Variants in CRYM observed in about 807,000 individuals in gnomAD.
CRYM encodes the protein ketimine reductase mu-crystallin.
Under a neutral mutation model 32.9 loss-of-function variants are expected in CRYM, and 18 were observed. The ratio of observed to expected loss-of-function variants is 0.55; its 90% CI spans 0.38 to 0.81. CRYM has a LOEUF of 0.81. CRYM is among the 30% of genes least tolerant of loss of function. CRYM has a pLI of 0.00. For missense variants in CRYM, 337 were observed against 393.5 expected, an observed-to-expected ratio of 0.86 and a Z score of 1.21; for synonymous variants, 153 against 152.4, an observed-to-expected ratio of 1.00 and a Z score of -0.03.
upstream of CRYM, among the ~76,000 whole-genome samples, chr16:21,280,561 G>A (rs1383365429): frequency 2.0e-5 from 3 of 151,960 alleles, no homozygotes; most frequent in African/African-American, 7.2e-5. Context: ...AGACACAACT[G>A]AGCAGCCTTA....
chr16:21,302,724 G>C (rs1960983447), intron 1 of CRYM, among the ~76,000 whole-genome samples: 1 of 152,172 alleles, frequency 6.6e-6, no homozygotes, highest in African/African-American at 2.4e-5. Context: ...CAGAAACTGG[G>C]AGATAGGGGG....
At position 21,275,528 on chromosome 16, in the gene CRYM, T is replaced by C. The variant is rs767137209; in HGVS notation, c.387+4A>G. 9.9e-6 allele frequency: 16 copies of C among 1,613,284 alleles called. No individual in the cohort carries two copies. Among genetic ancestry groups the C allele is most frequent in the Non-Finnish European group, 1.4e-5 (16 of 1,179,364 alleles). On this transcript the variant is annotated splice_donor_region_variant and intron_variant, in intron 3 of 7. Transcript: ENST00000572914. ...TTAATGGTACAGCCAGCCATTCATC[T>C]TACCTTGGTGGCAATGGCAGAAACT...
chr16:21,283,270 T>A (rs957462104), upstream of CRYM, among the ~76,000 whole-genome samples: 1 of 152,178 alleles, frequency 6.6e-6, no homozygotes, highest in African/African-American at 2.4e-5. Context: ...CACTCAGTAG[T>A]CATGATAAAT....
At chr16:21,270,688 C>T (rs2093373647) in intron 3 of CRYM, among the ~76,000 whole-genome samples, 1 of 152,194 alleles carries the variant, frequency 6.6e-6, no homozygotes. Flanking sequence ...CTCAGCCATA[C>T]CCACTTCTCA....
intron 5 of CRYM, among the ~76,000 whole-genome samples, chr16:21,264,886 C>G (rs1011531407): frequency 6.6e-6 from 1 of 152,134 alleles, no homozygotes; most frequent in Non-Finnish European, 1.5e-5. Context: ...GGAACTGAAT[C>G]CTGCCACACC....
chr16:21,266,093 C>T (rs1271848884), intron 5 of CRYM, among the ~76,000 whole-genome samples: 3 of 152,072 alleles, frequency 2.0e-5, no homozygotes, highest in Non-Finnish European at 2.9e-5. Context: ...GGCATGGTGG[C>T]GTGTGTCTGT....
At chr16:21,272,105 C>T (rs1257214565) in intron 3 of CRYM, among the ~76,000 whole-genome samples, 3 of 151,776 alleles carry the variant, frequency 2.0e-5, no homozygotes, top group African/African-American at 7.3e-5. Flanking sequence ...TCAAGTGATC[C>T]ACCTGCCTCG....
At chr16:21,282,955 AATT>A, upstream of CRYM, among the ~76,000 whole-genome samples, 1 of 152,030 alleles carries the variant, frequency 6.6e-6, no homozygotes, top group East Asian at 1.9e-4. Context: ...TTATTATTAT[AATT>A]ATGACTTAAC....
At chr16:21,272,623 C>G (rs143005681) in intron 3 of CRYM, among the ~76,000 whole-genome samples, 1 of 151,136 alleles carries the variant, frequency 6.6e-6, no homozygotes, top group African/African-American at 2.4e-5. Flanking sequence ...CACTTGTCAG[C>G]GTTGTAGTTT....
At chr16:21,298,024 G>C (rs1378945070) in intron 1 of CRYM, among the ~76,000 whole-genome samples, 1 of 152,198 alleles carries the variant, frequency 6.6e-6, no homozygotes, top group Non-Finnish European at 1.5e-5. Flanking sequence ...ATCATTTTCA[G>C]TGTCTGCCTT....
At chr16:21,262,312 G>T in intron 5 of CRYM, 154 bp from the exon 6 acceptor site, 1 of 877,058 alleles carries the variant, frequency 1.1e-6, no homozygotes, top group Non-Finnish European at 1.8e-6. Context: ...CCAATCAGTA[G>T]GACGAAATAC....
chr16:21,289,721 C>T (rs974524383), intron 1 of CRYM, among the ~76,000 whole-genome samples: 2 of 152,164 alleles, frequency 1.3e-5, no homozygotes, highest in Non-Finnish European at 1.5e-5. Context: ...AGCTGGGCTG[C>T]TGGCACAGGT....
At chr16:21,281,122 C>T (rs998011306), upstream of CRYM, among the ~76,000 whole-genome samples, 2 of 132,444 alleles carry the variant, frequency 1.5e-5, no homozygotes, top group African/African-American at 3.1e-5. Flanking sequence ...CTCTCTCTCT[C>T]TCTCTCTCTC....
chr16:21,297,202 G>A (rs549122027), intron 1 of CRYM, among the ~76,000 whole-genome samples: 5 of 151,508 alleles, frequency 3.3e-5, no homozygotes, highest in Admixed American at 2.6e-4. Flanking sequence ...AGACCAGCCC[G>A]GTCAACATGG....
intron 7 of CRYM, among the ~76,000 whole-genome samples, chr16:21,259,266 T>G (rs1432003489): frequency 8.1e-6 from 1 of 123,518 alleles, no homozygotes; most frequent in Non-Finnish European, 1.6e-5. Context: ...GCCTGGCTAA[T>G]TTTTTTTTTT....
At chr16:21,258,989 C>A in intron 7 of CRYM, 144 bp from the exon 8 acceptor site, 1 of 701,628 alleles carries the variant, frequency 1.4e-6, no homozygotes, top group Non-Finnish European at 2.6e-6. Context: ...CAGAGATGAG[C>A]TCAGGCTTCA....
At chr16:21,261,194 A>G in intron 7 of CRYM, 60 bp downstream of exon 7, 1 of 1,305,936 alleles carries the variant, frequency 7.7e-7, no homozygotes, top group Non-Finnish European at 1.1e-6. Flanking sequence ...TCTTTCCACC[A>G]ATGGGTGAAC....
chr16:21,278,095 T>C lies in CRYM; in HGVS notation c.157A>G (p.Thr53Ala), dbSNP rs1015563445. The part of the protein sequence containing the change: ...MQPVRTVVPV[T>A]KHRGYLGVMP... The stretch of plus-strand genomic sequence containing the variant: ...CTCCTCACTCACCCCCTGTGCTTGG[T>C]CACCGGCACCACGGTGCGCACGGGC... The change falls in exon 1 of 8, where the codon ACC (threonine) becomes GCC (alanine). Residue 53 changes from threonine (T) to alanine (A), a missense_variant. Coordinates refer to ENST00000572914, the MANE Select transcript of CRYM (RefSeq NM_001376256.1). The C allele has an allele frequency of 2.6e-6, 4 of 1,546,356 alleles. No homozygotes were observed. The highest frequency in any genetic ancestry group is 3.5e-6 in the Non-Finnish European group (4 of 1,146,968).
intron 1 of CRYM, among the ~76,000 whole-genome samples, chr16:21,299,586 A>C (rs192627172): frequency 6.6e-6 from 1 of 152,350 alleles, no homozygotes; most frequent in Non-Finnish European, 1.5e-5. Context: ...CTGGGATTAC[A>C]GGCGTGAGCC....
Sources: allele counts gnomAD v4.1 joint callset (sites outside exome capture counted in the v4.1 genomes callset), GRCh38; gene constraint gnomAD v4.1.1; transcripts MANE v1.5; gene names NCBI Gene and HGNC (gene_info 2026-07-23, HGNC 2026-07-21).